The following OPCML variants were observed in gnomAD, a reference collection of about 807,000 sequenced individuals.
OPCML encodes the protein opioid-binding protein/cell adhesion molecule.
OPCML carries 13 observed loss-of-function variants against 37.8 expected under a neutral mutation model. The ratio of observed to expected loss-of-function variants is 0.34; its 90% CI spans 0.22 to 0.55. OPCML has a LOEUF of 0.55. Ranked by LOEUF, OPCML falls within the 20% of genes least tolerant of loss-of-function variation. The pLI is 0.91. For synonymous variants in OPCML, 176 were observed against 168.8 expected, an observed-to-expected ratio of 1.04 and a Z score of -0.33; for missense variants, 341 against 435.6, an observed-to-expected ratio of 0.78 and a Z score of 1.93.
chr11:133,160,232 A>T (rs1950123155), intron 1 of OPCML, among the ~76,000 whole-genome samples: 1 of 152,246 alleles, frequency 6.6e-6, no homozygotes, highest in Non-Finnish European at 1.5e-5. Flanking sequence ...GGGGCGAAGT[A>T]AATCCATCCA....
chr11:132,540,747 A>G (rs1168264288), intron 3 of OPCML, among the ~76,000 whole-genome samples: 1 of 152,218 alleles, frequency 6.6e-6, no homozygotes, highest in East Asian at 1.9e-4. Flanking sequence ...AGGCTATGCT[A>G]AGTTCATTTG....
At chr11:132,947,404 G>T (rs1431902018) in intron 1 of OPCML, among the ~76,000 whole-genome samples, 1 of 152,212 alleles carries the variant, frequency 6.6e-6, no homozygotes, top group African/African-American at 2.4e-5. Flanking sequence ...GGAGTCCTAA[G>T]GAAGAGGGCC....
intron 1 of OPCML, among the ~76,000 whole-genome samples, chr11:133,036,897 C>T (rs1299808497): frequency 6.6e-6 from 1 of 152,100 alleles, no homozygotes; most frequent in Non-Finnish European, 1.5e-5. Flanking sequence ...TTTCATAATC[C>T]ATTTGCTGCA....
At chr11:132,569,297 C>T (rs1465105993) in intron 3 of OPCML, among the ~76,000 whole-genome samples, 10 of 152,250 alleles carry the variant, frequency 6.6e-5, no homozygotes, top group Admixed American at 3.9e-4. Flanking sequence ...ATCCATGAGG[C>T]GCAGGGAGAA....
intron 1 of OPCML, among the ~76,000 whole-genome samples, chr11:133,081,047 T>C (rs996091839): frequency 1.3e-5 from 2 of 152,084 alleles, no homozygotes; most frequent in African/African-American, 2.4e-5. Context: ...CAAACATAAA[T>C]TGGAAGTGTT....
intron 1 of OPCML, among the ~76,000 whole-genome samples, chr11:133,143,878 A>T (rs1949860237): frequency 6.6e-6 from 1 of 152,236 alleles, no homozygotes; most frequent in Admixed American, 6.5e-5. Context: ...TATAAACCAC[A>T]TTGCTCTTTC....
intron 1 of OPCML, among the ~76,000 whole-genome samples, chr11:133,456,233 G>A (rs1314448875): frequency 1.3e-5 from 2 of 152,128 alleles, no homozygotes; most frequent in East Asian, 3.9e-4. Flanking sequence ...AGACTCTCTG[G>A]CAAATTAGGA....
At chr11:132,811,851 C>T (rs1939363190) in intron 2 of OPCML, among the ~76,000 whole-genome samples, 2 of 152,144 alleles carry the variant, frequency 1.3e-5, no homozygotes, top group Non-Finnish European at 2.9e-5. Context: ...GAGCCTAGCG[C>T]TCCATCAATA....
At chr11:133,445,788 T>C (rs184443472) in intron 1 of OPCML, among the ~76,000 whole-genome samples, 99 of 152,312 alleles carry the variant, frequency 6.5e-4, no homozygotes, top group Non-Finnish European at 1.3e-3. Context: ...TCAAGGATTA[T>C]AGCCTTACTA....
At chr11:132,550,564 C>G (rs1441080905) in intron 3 of OPCML, among the ~76,000 whole-genome samples, 1 of 152,212 alleles carries the variant, frequency 6.6e-6, no homozygotes, top group Non-Finnish European at 1.5e-5. Flanking sequence ...AACCATCAAC[C>G]AACTAAACTT....
chr11:132,429,941 GACT>G (rs2095990757), intron 7 of OPCML, among the ~76,000 whole-genome samples: 1 of 152,138 alleles, frequency 6.6e-6, no homozygotes, highest in Non-Finnish European at 1.5e-5. Context: ...GCTAGAAGCA[GACT>G]GAGGAAGGTA....
At chr11:133,336,668 G>A (rs922543031) in intron 1 of OPCML, among the ~76,000 whole-genome samples, 1 of 152,192 alleles carries the variant, frequency 6.6e-6, no homozygotes, top group African/African-American at 2.4e-5. Context: ...CATTTCACTT[G>A]GAGTGAGAGG....
intron 2 of OPCML, among the ~76,000 whole-genome samples, chr11:132,706,912 T>G (rs1038404832): frequency 6.6e-6 from 1 of 152,222 alleles, no homozygotes; most frequent in Non-Finnish European, 1.5e-5. Flanking sequence ...GCTTCGTACA[T>G]CTAAGCAATT....
At chr11:133,466,508 C>A (rs1591532549) in intron 1 of OPCML, among the ~76,000 whole-genome samples, 3 of 152,254 alleles carry the variant, frequency 2.0e-5, no homozygotes, top group Admixed American at 6.5e-5. Flanking sequence ...GCCAGGAAAC[C>A]AGTTTTGCTG....
chr11:132,791,573 C>T (rs1297679734), intron 2 of OPCML, among the ~76,000 whole-genome samples: 1 of 152,256 alleles, frequency 6.6e-6, no homozygotes, highest in South Asian at 2.1e-4. Context: ...CTTATAGAGG[C>T]TGACCTCTTT....
At chr11:132,546,235 T>A (rs969149186) in intron 3 of OPCML, among the ~76,000 whole-genome samples, 1 of 152,338 alleles carries the variant, frequency 6.6e-6, no homozygotes, top group African/African-American at 2.4e-5. Flanking sequence ...TTGCTGGGCT[T>A]GCCAGACTTC....
intron 2 of OPCML, among the ~76,000 whole-genome samples, chr11:132,834,337 C>T (rs1940887487): frequency 6.6e-6 from 1 of 152,186 alleles, no homozygotes; most frequent in African/African-American, 2.4e-5. Flanking sequence ...ACTCCCTCCC[C>T]AGTCCGCGAA....
intron 1 of OPCML, among the ~76,000 whole-genome samples, chr11:133,216,840 A>C (rs1397123317): frequency 6.6e-6 from 1 of 152,206 alleles, no homozygotes; most frequent in African/African-American, 2.4e-5. Flanking sequence ...ATGTATTTAT[A>C]TGTAAATATA....
At chr11:132,659,174 T>C (rs1036333600) in intron 2 of OPCML, among the ~76,000 whole-genome samples, 2 of 152,222 alleles carry the variant, frequency 1.3e-5, no homozygotes, top group African/African-American at 4.8e-5. Context: ...TTGCTTCTTT[T>C]CCTGTTGCTT....
Sources: gnomAD v4.1 joint callset for allele counts (sites outside exome capture counted in the v4.1 genomes callset) on GRCh38, gnomAD v4.1.1 for gene constraint, MANE v1.5 for transcripts, NCBI Gene and HGNC (gene_info 2026-07-23, HGNC 2026-07-21) for gene names.